PCNT: variants seen among roughly 807,000 people sequenced by gnomAD.
PCNT encodes kendrin.
In PCNT, 319 loss-of-function variants were observed where a neutral mutation model predicts 380.4. That is an observed-to-expected ratio of 0.84 (90% CI 0.77 to 0.92). The LOEUF is 0.92. Ranked by LOEUF, PCNT falls within the 40% of genes least tolerant of loss-of-function variation. PCNT has a pLI of 0.00. For missense variants in PCNT, 4,400 were observed against 4,255.3 expected (o/e 1.03, Z -0.95); for synonymous variants, 1,845 against 1,735.2 (o/e 1.06, Z -1.57).
Position 46,411,672 on chromosome 21 carries a change from G to GT in PCNT, c.5599_5600insT (p.Glu1867ValfsTer121). 6.2e-7 allele frequency: 1 copy of GT among 1,612,964 alleles called. No homozygotes were observed. The highest frequency in any genetic ancestry group is 8.5e-7 in the Non-Finnish European group (1 of 1,179,860). ...GTTCGAAGCGGCCCTGAAAGCAAAG[G>GT]AAGCGACGATTGCCGAGAGAAATTT... On this transcript the variant is annotated frameshift_variant, in exon 28 of 47. Transcript: ENST00000359568. LOFTEE classifies it high-confidence loss of function.
At chr21:46,440,051 CTG>C (rs1266237199) in intron 41 of PCNT, 30 bp from the exon 42 acceptor site, 1 of 1,613,606 alleles carries the variant, frequency 6.2e-7, no homozygotes, top group East Asian at 2.2e-5. Flanking sequence ...ACGAGCAGCT[CTG>C]TAGACAGCGC....
Position 46,416,383 on chromosome 21 carries a change from C to A in PCNT, c.6465C>A (p.Thr2155=). The stretch of plus-strand genomic sequence containing the variant: ...TAGACGCGTGTGATGCCAATACAAC[C>A]CCAGGGGGTGTAACTGATGTTATCA... ...QAIDACDANT[T]PGGVTDVIKN... Residue 2155 remains threonine (T), a synonymous_variant, in exon 30 of 47, where the codon ACC becomes ACA. Coordinates refer to ENST00000359568, the MANE Select transcript of PCNT (RefSeq NM_006031.6). 1.9e-6 allele frequency: 3 copies of A among 1,614,106 alleles called. No individual in the cohort carries two copies. The highest frequency in any genetic ancestry group is 2.2e-5 in the East Asian group (1 of 44,888).
Position 46,411,429 on chromosome 21 carries a change from C to T in PCNT, c.5356C>T (p.Gln1786Ter), listed in dbSNP as rs1332441049. 1.1e-5 allele frequency: 17 copies of T among 1,612,516 alleles called. No individual in the cohort carries two copies. The highest frequency in any genetic ancestry group is 1.4e-5 in the Non-Finnish European group (17 of 1,179,764). The change falls in exon 28 of 47, where the codon CAG becomes TAG. Residue 1786 changes from glutamine to a stop codon, truncating the protein, a stop_gained. Coordinates refer to ENST00000359568, the MANE Select transcript of PCNT (RefSeq NM_006031.6). LOFTEE classifies it high-confidence loss of function. ...CTCCCAGGCCGGGGGCCCTCGTGGGCAGGCCCTACAGGGCGAGCTCGAGGC... is the reference window on the plus strand; with the variant it reads ...CTCCCAGGCCGGGGGCCCTCGTGGGTAGGCCCTACAGGGCGAGCTCGAGGC... The part of the protein sequence containing the change: ...LCSQAGGPRG[Q>*]ALQGELEAAL...
intron 32 of PCNT, among the ~76,000 whole-genome samples, chr21:46,424,255 T>G (rs2087394237): frequency 6.6e-6 from 1 of 152,232 alleles, no homozygotes; most frequent in Admixed American, 6.5e-5. Flanking sequence ...GTGCCTGGAA[T>G]TGAGCCATAA....
intron 2 of PCNT, 119 bp downstream of exon 2, chr21:46,326,708 T>C: frequency 9.1e-7 from 1 of 1,100,896 alleles, no homozygotes; most frequent in South Asian, 1.3e-5. Context: ...AAAGAGGGTG[T>C]TATTTTAGTT....
chr21:46,436,949 G>A (rs947386756), intron 39 of PCNT, 30 bp from the exon 40 acceptor site: 3 of 1,507,336 alleles, frequency 2.0e-6, no homozygotes, highest in Non-Finnish European at 2.8e-6. Context: ...GGGCGCGTAT[G>A]CAACTTTGAG....
chr21:46,337,512 T>C (rs2083786346), intron 3 of PCNT, among the ~76,000 whole-genome samples: 1 of 152,220 alleles, frequency 6.6e-6, no homozygotes, highest in Admixed American at 6.5e-5. Flanking sequence ...GTAGTCAGGT[T>C]CATTGGTCAC....
At chr21:46,389,475 G>A (rs760265400) in intron 19 of PCNT, 44 bp downstream of exon 19, 1 of 1,501,474 alleles carries the variant, frequency 6.7e-7, no homozygotes, top group South Asian at 1.1e-5. Flanking sequence ...GTGAACAACT[G>A]AGTAGCTGAT....
At chr21:46,382,819 GA>G (rs1479110553) in intron 16 of PCNT, among the ~76,000 whole-genome samples, 1 of 141,032 alleles carries the variant, frequency 7.1e-6, no homozygotes, top group East Asian at 2.1e-4. Flanking sequence ...TTCAGTGGCG[GA>G]AGCGCATTCA....
chr21:46,384,434 A>G (rs2085745311), intron 16 of PCNT, among the ~76,000 whole-genome samples: 1 of 143,672 alleles, frequency 7.0e-6, no homozygotes, highest in African/African-American at 2.6e-5. Context: ...CATGTTGTAT[A>G]TTCAGTGATG....
chr21:46,381,191 A>AT (rs1491047798), intron 15 of PCNT, among the ~76,000 whole-genome samples: 2 of 97,868 alleles, frequency 2.0e-5, no homozygotes, highest in Admixed American at 1.1e-4. Context: ...AAAAAAAAAA[A>AT]ATCTCTGTGT....
At position 46,357,003 on chromosome 21, in the gene PCNT, C is replaced by T. The variant is rs1393031876; in HGVS notation, c.1966C>T (p.Gln656Ter). ...TCCCTGGGTGCATCTCCAGGGTGTG[C>T]AGGACGGGGACTTGGAGGCCGACAC... ...ELPWVHLQGVQDGDLEADTER... is the reference protein window; with the variant it reads ...ELPWVHLQGV Residue 656 changes from glutamine (Q) to a stop codon, truncating the protein, a stop_gained, in exon 13 of 47, where the codon CAG (glutamine) becomes TAG (stop). Coordinates refer to ENST00000359568, the MANE Select transcript of PCNT (RefSeq NM_006031.6). LOFTEE classifies it high-confidence loss of function. The T allele has an allele frequency of 6.2e-7, 1 of 1,614,182 alleles. No homozygotes were observed. The highest frequency in any genetic ancestry group is 1.1e-5 in the South Asian group (1 of 91,086).
At chr21:46,391,571 C>T (rs926675625) in intron 21 of PCNT, among the ~76,000 whole-genome samples, 195 bp downstream of exon 21, 2 of 152,206 alleles carry the variant, frequency 1.3e-5, no homozygotes, top group Non-Finnish European at 2.9e-5. Flanking sequence ...GCTGCCCTTT[C>T]AGAGAAGGCG....
At chr21:46,429,922 G>A (rs1369157979) in intron 35 of PCNT, 88 bp from the exon 36 acceptor site, 32 of 1,010,238 alleles carry the variant, frequency 3.2e-5, no homozygotes, top group African/African-American at 1.1e-4. Flanking sequence ...TACACCTCAC[G>A]CCCCCACGAG....
At position 46,445,583 on chromosome 21, in the gene PCNT, C is replaced by G. The variant is rs2053731404; in HGVS notation, c.*256C>G. ...TGACGGGCACTCACTCCCATGAGCC[C>G]TGGCTGTGTGCTGTTGTGTGCCTAT... On this transcript the variant is annotated 3_prime_UTR_variant, in exon 47 of 47. Coordinates refer to ENST00000359568, the MANE Select transcript of PCNT (RefSeq NM_006031.6). 1.8e-6 allele frequency: 1 copy of G among 549,294 alleles called. No homozygotes were observed. Among genetic ancestry groups the G allele is most frequent in the African/African-American group, 1.9e-5 (1 of 52,830 alleles). 34.0% of individuals were successfully genotyped at this position (549,294 alleles called of 1,614,324 possible). A position where few individuals can be genotyped will look rare whatever the true frequency, so the allele number is the denominator to read the frequency against.
rs1194142621 is a variant in PCNT at position 46,442,251 on chromosome 21, C to T, written c.9624-246C>T. 2.0e-5 allele frequency among the ~76,000 whole-genome samples: 3 copies of T among 152,094 alleles called. No individual in the cohort carries two copies. In the South Asian group the frequency reaches 6.2e-4, roughly 31 times the overall value. On this transcript the variant is annotated intron_variant, in intron 43 of 46. Coordinates refer to ENST00000359568, the MANE Select transcript of PCNT (RefSeq NM_006031.6). The stretch of plus-strand genomic sequence containing the variant: ...GGGACCATATGGTCCACGGTGGGGC[C>T]GCAGTGAGGCTTTGTCAGGTGGTTG...
chr21:46,411,733 A>G lies in PCNT; in HGVS notation c.5660A>G (p.His1887Arg). 2 of 1,611,884 alleles carry G rather than the reference A, an allele frequency of 1.2e-6. No homozygotes were observed. Among genetic ancestry groups the G allele is most frequent in the African/African-American group, 1.3e-5 (1 of 75,044 alleles). Residue 1887 changes from histidine (H) to arginine (R), a missense_variant, in exon 28 of 47, where the codon CAC becomes CGC. By Grantham distance (29) the His-to-Arg change is conservative (BLOSUM62 0). Coordinates refer to ENST00000359568, the MANE Select transcript of PCNT (RefSeq NM_006031.6). ...IDALNQRKAA[H>R]SAELEAVLLA... The stretch of plus-strand genomic sequence containing the variant: ...GCTCTGAACCAGCGGAAGGCGGCCC[A>G]CTCTGCCGAGCTGGAGGCCGTCCTG...
chr21:46,443,062 C>A, intron 44 of PCNT: 1 of 202,684 alleles, frequency 4.9e-6, no homozygotes. Context: ...TGTCCCAGAG[C>A]GGCAGGCGTT....
rs1336166926 is a variant in PCNT at position 46,398,133 on chromosome 21, G to C, written c.4563+3G>C. The C allele has an allele frequency of 1.2e-6, 2 of 1,607,092 alleles. No homozygotes were observed. The highest frequency in any genetic ancestry group is 8.5e-7 in the Non-Finnish European group (1 of 1,177,276). ...CCTGGGGCCCTCGCGACAGCCAGGTGAGTCAGTGCAGCGTGCAGTGCTGCT... is the reference window on the plus strand; with the variant it reads ...CCTGGGGCCCTCGCGACAGCCAGGTCAGTCAGTGCAGCGTGCAGTGCTGCT... On this transcript the variant is annotated splice_donor_region_variant and intron_variant, in intron 23 of 46. Coordinates refer to ENST00000359568, the MANE Select transcript of PCNT (RefSeq NM_006031.6).
Sources: gnomAD v4.1 joint callset for allele counts (sites outside exome capture counted in the v4.1 genomes callset) on GRCh38, gnomAD v4.1.1 for gene constraint, MANE v1.5 for transcripts, NCBI Gene and HGNC (gene_info 2026-07-23, HGNC 2026-07-21) for gene names.